B3GLCT: variants seen among roughly 807,000 people sequenced by gnomAD.
B3GLCT encodes the protein beta-1,3-glucosyltransferase.
Under a neutral mutation model 63.4 loss-of-function variants are expected in B3GLCT, and 65 were observed. The observed-to-expected ratio is 1.03, with a 90% confidence interval of 0.84 to 1.26. The LOEUF is 1.26. Among genes scored for constraint, B3GLCT ranks in the 50% most tolerant of loss-of-function variants. The probability of loss-of-function intolerance (pLI) is 0.00; values close to 1 mark genes in which losing one functional copy is unlikely to be tolerated. For synonymous variants in B3GLCT, 233 were observed against 219.2 expected (o/e 1.06, Z -0.55); for missense variants, 577 against 604.8 (o/e 0.95, Z 0.48).
intron 1 of B3GLCT, among the ~76,000 whole-genome samples, chr13:31,210,455 G>A (rs1202821456): frequency 6.6e-6 from 1 of 152,148 alleles, no homozygotes; most frequent in Non-Finnish European, 1.5e-5. Context: ...CCTTTGGTTG[G>A]GGCCAGGTTG....
At chr13:31,217,944 T>G (rs966091796) in intron 2 of B3GLCT, among the ~76,000 whole-genome samples, 4 of 152,146 alleles carry the variant, frequency 2.6e-5, no homozygotes, top group Admixed American at 2.6e-4. Flanking sequence ...ATTTTAGAAT[T>G]TTTTTTCTAA....
At chr13:31,206,851 G>T (rs9540737) in intron 1 of B3GLCT, among the ~76,000 whole-genome samples, 1 of 152,030 alleles carries the variant, frequency 6.6e-6, no homozygotes, top group African/African-American at 2.4e-5. Context: ...GGTCTTTTGT[G>T]TACTTGGGAA....
chr13:31,249,915 T>A (rs186412377), intron 6 of B3GLCT, among the ~76,000 whole-genome samples: 11 of 152,336 alleles, frequency 7.2e-5, no homozygotes, highest in African/African-American at 2.4e-4. Flanking sequence ...AATAATTATG[T>A]AATGTGTGAG....
intron 12 of B3GLCT, among the ~76,000 whole-genome samples, chr13:31,299,093 C>T (rs577925805): frequency 3.3e-5 from 5 of 152,184 alleles, no homozygotes; most frequent in South Asian, 2.1e-4. Flanking sequence ...CATAGTCACC[C>T]GAGCATCCTC....
chr13:31,269,643 GCCCCCC>G, intron 8 of B3GLCT, among the ~76,000 whole-genome samples: 1 of 136,648 alleles, frequency 7.3e-6, no homozygotes, highest in East Asian at 2.1e-4. Context: ...TCATGTCCCC[GCCCCCC>G]TAATTCATAC....
intron 2 of B3GLCT, among the ~76,000 whole-genome samples, chr13:31,219,328 A>G (rs1426966357): frequency 5.9e-5 from 9 of 152,170 alleles, no homozygotes; most frequent in Admixed American, 2.0e-4. Flanking sequence ...TCACCTAAAC[A>G]CGTGATTATT....
chr13:31,294,264 T>G (rs1873823779), intron 12 of B3GLCT, among the ~76,000 whole-genome samples: 1 of 152,186 alleles, frequency 6.6e-6, no homozygotes, highest in African/African-American at 2.4e-5. Context: ...ATTTCAACCT[T>G]GGTGAATCTG....
intron 2 of B3GLCT, among the ~76,000 whole-genome samples, chr13:31,219,026 C>T (rs1020656085): frequency 3.3e-5 from 5 of 151,320 alleles, no homozygotes; most frequent in African/African-American, 9.7e-5. Context: ...ATGTGTAAAG[C>T]GCTGGTTCCA....
At chr13:31,246,969 T>TTTTTTTTTTTTG in intron 4 of B3GLCT, 54 bp from the exon 5 acceptor site, 3 of 1,105,534 alleles carry the variant, frequency 2.7e-6, no homozygotes, top group South Asian at 2.8e-5. Flanking sequence ...TTTTTTTTAC[T>TTTTTTTTTTTTG]TTTTTTCGGA....
intron 14 of B3GLCT, among the ~76,000 whole-genome samples, chr13:31,327,414 G>A (rs1593325150): frequency 2.0e-5 from 3 of 152,180 alleles, no homozygotes; most frequent in South Asian, 2.1e-4. Context: ...TGCCCAGTGC[G>A]GGATGGAGTG....
In B3GLCT at chr13:31,265,426, G is replaced by A. The variant is rs532963060; in HGVS notation, c.597-3788G>A. ...TTGATTCCCTTTGTGTCCTTTCCTT[G>A]ACTTTACGGCCCACATTGTAGGTAG... is the stretch of plus-strand genomic sequence containing the variant. On this transcript the variant is annotated intron_variant, in intron 7 of 14. Coordinates refer to ENST00000343307, the MANE Select transcript of B3GLCT (RefSeq NM_194318.4). Among the ~76,000 whole-genome samples, 77 of 152,262 alleles carry A rather than the reference G, an allele frequency of 5.1e-4. No homozygotes were observed. The South Asian group carries it at 0.015, about 30-fold the overall frequency.
intron 12 of B3GLCT, among the ~76,000 whole-genome samples, chr13:31,291,671 C>A (rs1268001837): frequency 6.6e-6 from 1 of 152,106 alleles, no homozygotes; most frequent in African/African-American, 2.4e-5. Flanking sequence ...GATTTTGTAT[C>A]CTGAGACTTT....
intron 8 of B3GLCT, among the ~76,000 whole-genome samples, chr13:31,273,850 A>T (rs937868715): frequency 1.3e-5 from 2 of 152,122 alleles, no homozygotes; most frequent in African/African-American, 2.4e-5. Flanking sequence ...AGATTTAGAG[A>T]TTATTCTTTT....
chr13:31,286,912 T>A, intron 12 of B3GLCT, 93 bp downstream of exon 12: 2 of 837,828 alleles, frequency 2.4e-6, no homozygotes, highest in Non-Finnish European at 3.9e-6. Context: ...CAAGATGAAG[T>A]AACGGGGACG....
intron 14 of B3GLCT, among the ~76,000 whole-genome samples, chr13:31,325,337 G>A (rs1459981750): frequency 6.6e-6 from 1 of 152,138 alleles, no homozygotes; most frequent in Non-Finnish European, 1.5e-5. Context: ...TATTCTCTGC[G>A]GTTCCCTCTC....
intron 1 of B3GLCT, among the ~76,000 whole-genome samples, chr13:31,207,407 G>A (rs1398560354): frequency 6.6e-6 from 1 of 151,964 alleles, no homozygotes; most frequent in African/African-American, 2.4e-5. Flanking sequence ...TGCTAGTGAG[G>A]GTGGGGTTTT....
At chr13:31,284,509 G>T in intron 10 of B3GLCT, 139 bp from the exon 11 acceptor site, 1 of 695,438 alleles carries the variant, frequency 1.4e-6, no homozygotes, top group South Asian at 1.5e-5. Context: ...CTCAGGGTTG[G>T]AAGCAAGCAA....
rs1343520045 is a variant in B3GLCT, at chr13:31,200,163, C to T, written c.70+9C>T. 5 of 1,309,500 alleles carry T rather than the reference C, an allele frequency of 3.8e-6. No individual in the cohort carries two copies. Among genetic ancestry groups the T allele is most frequent in the Admixed American group, 3.0e-5 (1 of 33,386 alleles). 81.1% of individuals were successfully genotyped at this position (1,309,500 alleles called of 1,614,324 possible). ...CCTCACCTGCTCCCTGGGTAAGTAGCGGGCGGCCAGGCGCGCAAGGGCGAG... is the reference window on the plus strand; with the variant it reads ...CCTCACCTGCTCCCTGGGTAAGTAGTGGGCGGCCAGGCGCGCAAGGGCGAG... On this transcript the variant is annotated intron_variant, in intron 1 of 14. Coordinates refer to ENST00000343307, the MANE Select transcript of B3GLCT (RefSeq NM_194318.4).
intron 12 of B3GLCT, among the ~76,000 whole-genome samples, chr13:31,313,365 A>G (rs1003936761): frequency 1.3e-5 from 2 of 152,236 alleles, no homozygotes; most frequent in African/African-American, 2.4e-5. Context: ...GGCTTTGCCC[A>G]AAATGTTAAT....
Sources: gnomAD v4.1 joint callset for allele counts (sites outside exome capture counted in the v4.1 genomes callset) on GRCh38, gnomAD v4.1.1 for gene constraint, MANE v1.5 for transcripts, NCBI Gene and HGNC (gene_info 2026-07-23, HGNC 2026-07-21) for gene names.